Variants in EBF1 observed in about 807,000 individuals in gnomAD.
EBF1 encodes transcription factor COE1.
EBF1 carries 10 observed loss-of-function variants against 68.4 expected under a neutral mutation model. The ratio of observed to expected loss-of-function variants is 0.15; its 90% CI spans 0.09 to 0.25. The LOEUF (loss-of-function observed/expected upper bound fraction) is 0.25. Ranked by LOEUF, EBF1 falls within the 10% of genes least tolerant of loss-of-function variation. The probability of loss-of-function intolerance (pLI) is 1.00; values close to 1 mark genes in which losing one functional copy is unlikely to be tolerated. For synonymous variants in EBF1, 298 were observed against 299.8 expected (o/e 0.99, Z 0.06); for missense variants, 509 against 794.4 (o/e 0.64, Z 4.32).
intron 6 of EBF1, among the ~76,000 whole-genome samples, chr5:158,905,720 T>C (rs1340381536): frequency 6.6e-6 from 1 of 152,200 alleles, no homozygotes; most frequent in Admixed American, 6.5e-5. Context: ...TCTTGCTCAT[T>C]ATTGAAATAT....
intron 6 of EBF1, among the ~76,000 whole-genome samples, chr5:159,019,370 A>G (rs1054872390): frequency 2.0e-5 from 3 of 152,256 alleles, no homozygotes; most frequent in Admixed American, 1.3e-4. Flanking sequence ...GTCACATTAT[A>G]TAACTAAATA....
intron 10 of EBF1, among the ~76,000 whole-genome samples, chr5:158,743,122 T>C (rs886293136): frequency 1.3e-5 from 2 of 152,208 alleles, no homozygotes; most frequent in Admixed American, 6.6e-5. Flanking sequence ...TGTAATTGGC[T>C]ACCCAAAAAT....
At chr5:158,903,106 GA>G in intron 6 of EBF1, among the ~76,000 whole-genome samples, 1 of 152,284 alleles carries the variant, frequency 6.6e-6, no homozygotes, top group East Asian at 1.9e-4. Flanking sequence ...TATAAAGGGG[GA>G]AAAATTCTGC....
At chr5:158,755,959 A>G (rs913736439) in intron 10 of EBF1, among the ~76,000 whole-genome samples, 1 of 152,212 alleles carries the variant, frequency 6.6e-6, no homozygotes, top group Non-Finnish European at 1.5e-5. Context: ...GTGTGAAATC[A>G]GATACTTTTG....
chr5:159,015,388 G>T (rs978484104), intron 6 of EBF1, among the ~76,000 whole-genome samples: 6 of 152,192 alleles, frequency 3.9e-5, no homozygotes, highest in Admixed American at 3.9e-4. Flanking sequence ...CTATACTTAA[G>T]GTTGAGGGCC....
At chr5:158,801,428 A>T (rs1245047018) in intron 8 of EBF1, among the ~76,000 whole-genome samples, 1 of 152,138 alleles carries the variant, frequency 6.6e-6, no homozygotes, top group Non-Finnish European at 1.5e-5. Context: ...TGCTAGCAGC[A>T]GGCACACATT....
intron 8 of EBF1, among the ~76,000 whole-genome samples, chr5:158,818,212 A>G (rs1317966944): frequency 6.6e-6 from 1 of 152,188 alleles, no homozygotes; most frequent in Non-Finnish European, 1.5e-5. Flanking sequence ...AGAAGGGAAA[A>G]GAGACAGGCT....
At chr5:158,900,048 C>T (rs561241341) in intron 6 of EBF1, among the ~76,000 whole-genome samples, 41 of 152,262 alleles carry the variant, frequency 2.7e-4, no homozygotes, top group African/African-American at 8.7e-4. Context: ...GTCAGGCCCT[C>T]GGGTTCCCGG....
chr5:158,874,274 C>G (rs1002592997), intron 6 of EBF1, among the ~76,000 whole-genome samples: 2 of 151,830 alleles, frequency 1.3e-5, no homozygotes. Context: ...CTAAATAACA[C>G]CAAAAAAAGA....
At chr5:158,888,979 T>C (rs1443604551) in intron 6 of EBF1, among the ~76,000 whole-genome samples, 2 of 152,204 alleles carry the variant, frequency 1.3e-5, no homozygotes, top group African/African-American at 2.4e-5. Flanking sequence ...ATTCTCTTCC[T>C]TTCCTGCTCC....
chr5:158,943,347 CACACACACA>C (rs1464485609), intron 6 of EBF1, among the ~76,000 whole-genome samples: 3 of 151,932 alleles, frequency 2.0e-5, no homozygotes, highest in African/African-American at 7.3e-5. Flanking sequence ...CACACACACA[CACACACACA>C]CACATTCCGG....
chr5:158,966,831 A>T (rs1188541070), intron 6 of EBF1, among the ~76,000 whole-genome samples: 1 of 152,242 alleles, frequency 6.6e-6, no homozygotes, highest in East Asian at 1.9e-4. Context: ...TTTTTAATAC[A>T]AATAGCTGAA....
chr5:158,948,349 C>T (rs772312860), intron 6 of EBF1, among the ~76,000 whole-genome samples: 10 of 152,012 alleles, frequency 6.6e-5, no homozygotes, highest in Non-Finnish European at 1.5e-4. Flanking sequence ...GACAGAGCCC[C>T]TCACAGAGGG....
chr5:159,053,228 G>GC (rs1774128967), intron 6 of EBF1, among the ~76,000 whole-genome samples: 2 of 152,162 alleles, frequency 1.3e-5, no homozygotes, highest in Admixed American at 6.5e-5. Context: ...ACCAACTGAA[G>GC]CCCCAGTTTC....
intron 6 of EBF1, among the ~76,000 whole-genome samples, chr5:158,912,239 T>C (rs532531592): frequency 6.6e-6 from 1 of 152,194 alleles, no homozygotes; most frequent in Non-Finnish European, 1.5e-5. Flanking sequence ...AAATTTCACA[T>C]AGCCATTAGT....
chr5:158,985,023 C>G (rs561290022), intron 6 of EBF1, among the ~76,000 whole-genome samples: 5 of 152,236 alleles, frequency 3.3e-5, no homozygotes, highest in Admixed American at 6.5e-5. Context: ...TTGTGGTTAC[C>G]TCCCATCTAC....
intron 6 of EBF1, among the ~76,000 whole-genome samples, chr5:159,005,920 A>C (rs1002208293): frequency 6.6e-6 from 1 of 152,190 alleles, no homozygotes; most frequent in African/African-American, 2.4e-5. Context: ...CCAACACCAT[A>C]AAAAATCAGT....
At chr5:158,781,262 A>G (rs10079275) in intron 9 of EBF1, among the ~76,000 whole-genome samples, 37 of 152,172 alleles carry the variant, frequency 2.4e-4, no homozygotes, top group Non-Finnish European at 3.8e-4. Flanking sequence ...TATTTTCCAG[A>G]TATCTTCTCT....
In EBF1 at chr5:158,697,717, A is replaced by C. The variant is rs1191635606; in HGVS notation, c.*1394T>G. Reference sequence around the variant, plus strand: ...TATTGAAAAAATGTCTTAAGACATTAAAATGTATAAATAGAACAACAACTT... The same window carrying C: ...TATTGAAAAAATGTCTTAAGACATTCAAATGTATAAATAGAACAACAACTT... On this transcript the variant is annotated 3_prime_UTR_variant, in exon 16 of 16. Transcript: ENST00000313708. 3.4e-5 allele frequency: 7 copies of C among 208,252 alleles called. No individual in the cohort carries two copies. The highest frequency in any genetic ancestry group is 5.9e-5 in the Non-Finnish European group (6 of 102,178). The allele number at this position is 208,252 out of a possible 1,614,324, so 12.9% of individuals were successfully genotyped here.
Sources: allele counts gnomAD v4.1 joint callset (sites outside exome capture counted in the v4.1 genomes callset), GRCh38; gene constraint gnomAD v4.1.1; transcripts MANE v1.5; gene names NCBI Gene and HGNC (gene_info 2026-07-23, HGNC 2026-07-21).